The following PRICKLE2 variants were observed in gnomAD, a reference collection of about 807,000 sequenced individuals.
PRICKLE2 encodes the protein prickle-like protein 2.
A neutral mutation model predicts 81.4 loss-of-function variants in PRICKLE2; 21 were observed. That is an observed-to-expected ratio of 0.26 (90% CI 0.18 to 0.37). The LOEUF is 0.37. PRICKLE2 is among the 10% of genes least tolerant of loss of function. PRICKLE2 has a pLI of 1.00. For synonymous variants in PRICKLE2, 456 were observed against 421.5 expected (o/e 1.08, Z -1.00); for missense variants, 940 against 1,109.0 (o/e 0.85, Z 2.16).
chr3:64,192,753 T>G (rs1418111992), intron 2 of PRICKLE2, among the ~76,000 whole-genome samples: 1 of 152,290 alleles, frequency 6.6e-6, no homozygotes, highest in African/African-American at 2.4e-5. Context: ...CAGTTTGAAG[T>G]GAGAGTTGAG....
rs910890911 is a variant in PRICKLE2, at chr3:64,100,003, A to G, written c.1661-78T>C. The stretch of plus-strand genomic sequence containing the variant: ...GTATCACTGTCACTGCTGGTCATCT[A>G]TCTAGGGTCATTATATACCGTTGTG... On this transcript the variant is annotated intron_variant, in intron 7 of 7. Coordinates refer to ENST00000638394, the MANE Select transcript of PRICKLE2 (RefSeq NM_198859.4). The G allele has an allele frequency of 8.3e-5, 122 of 1,475,054 alleles. No individual in the cohort carries two copies. The Middle Eastern group carries it at 1.4e-3, about 17-fold the overall frequency. 91.4% of individuals were successfully genotyped at this position (1,475,054 alleles called of 1,614,324 possible). A position where few individuals can be genotyped will look rare whatever the true frequency, so the allele number is the denominator to read the frequency against.
chr3:64,258,845 A>AAAAGAAAG (rs572884974), intron 2 of PRICKLE2, among the ~76,000 whole-genome samples: 1,329 of 33,966 alleles, frequency 0.039, 52 homozygotes, highest in African/African-American at 0.053. Context: ...AAAAAAAAAA[A>AAAAGAAAG]AAAGAAAGAA....
intron 7 of PRICKLE2, among the ~76,000 whole-genome samples, chr3:64,120,176 C>G (rs938262336): frequency 5.9e-5 from 9 of 152,082 alleles, no homozygotes; most frequent in African/African-American, 2.2e-4. Context: ...ACCCAGGTAA[C>G]CTGCACATGT....
intron 1 of PRICKLE2, among the ~76,000 whole-genome samples, chr3:64,215,904 G>C (rs1191503105): frequency 6.6e-6 from 1 of 152,200 alleles, no homozygotes; most frequent in East Asian, 1.9e-4. Flanking sequence ...CTAGCACACA[G>C]CAAATGTTCA....
At chr3:64,222,427 A>G (rs1243589442) in intron 1 of PRICKLE2, among the ~76,000 whole-genome samples, 2 of 152,212 alleles carry the variant, frequency 1.3e-5, no homozygotes, top group Non-Finnish European at 2.9e-5. Context: ...CCTGTGTCAG[A>G]GTTCTAATTC....
In PRICKLE2 at chr3:64,099,614, C is replaced by T. The variant is rs2076622172; in HGVS notation, c.1972G>A (p.Glu658Lys). ...GMAGSKLPGQEGVRIQPMSER... is the reference protein window; with the variant it reads ...GMAGSKLPGQKGVRIQPMSER... The stretch of plus-strand genomic sequence containing the variant: ...CTCATGGGCTGGATCCTCACGCCCT[C>T]CTGCCCTGGCAGCTTGCTGCCCGCC... Residue 658 changes from glutamate to lysine, a missense_variant, in exon 8 of 8, where the codon GAG becomes AAG. By Grantham distance (56) the Glu-to-Lys change is moderately conservative (BLOSUM62 1). Around this residue, in one of 2 missense-constraint regions of PRICKLE2, gnomAD observed 670 missense variants for 717.2 expected, o/e 0.93. Transcript: ENST00000638394. The surrounding 1 kb of genome is among the most constrained non-coding windows in gnomAD (Gnocchi z 4.3). 1.9e-6 allele frequency: 3 copies of T among 1,613,920 alleles called. No homozygotes were observed. The highest frequency in any genetic ancestry group is 2.5e-6 in the Non-Finnish European group (3 of 1,180,054).
chr3:64,257,400 C>T (rs1255581206), intron 2 of PRICKLE2, among the ~76,000 whole-genome samples: 3 of 152,056 alleles, frequency 2.0e-5, no homozygotes, highest in Non-Finnish European at 4.4e-5. Flanking sequence ...GAGTGTAGGA[C>T]CAGTTCAGTG....
chr3:64,147,156 T>G lies in PRICKLE2; in HGVS notation c.1334A>C (p.His445Pro), dbSNP rs1162884450. 3 of 1,614,032 alleles carry G rather than the reference T, an allele frequency of 1.9e-6. No homozygotes were observed. The highest frequency in any genetic ancestry group is 2.5e-6 in the Non-Finnish European group (3 of 1,180,010). ...CGAGCTCCTTTTGGGGTTGCTGAAG[T>G]GCTTGCCCCACATTTCGGGCTGGGC... ...AGAQPEMWGK[H>P]FSNPKRSSSL... is the part of the protein sequence containing the mutation. The change falls in exon 7 of 8, where the codon CAC (histidine) becomes CCC (proline). Residue 445 changes from histidine (H) to proline (P), a missense_variant. Around this residue, in one of 2 missense-constraint regions of PRICKLE2, gnomAD observed 670 missense variants for 717.2 expected, o/e 0.93. Transcript: ENST00000638394. The surrounding 1 kb of genome is among the most constrained non-coding windows in gnomAD (Gnocchi z 5.0).
intron 2 of PRICKLE2, chr3:64,267,885 G>T (rs114852521): frequency 1.3e-5 from 2 of 152,212 alleles, no homozygotes; most frequent in Non-Finnish European, 2.9e-5. Context: ...CCCGGCTATG[G>T]GGGGGCCACT....
intron 7 of PRICKLE2, among the ~76,000 whole-genome samples, chr3:64,114,378 T>C (rs1383822161): frequency 6.6e-6 from 1 of 152,076 alleles, no homozygotes; most frequent in East Asian, 1.9e-4. Flanking sequence ...GAGGCTAAGA[T>C]AGCTAAAATA....
intron 7 of PRICKLE2, among the ~76,000 whole-genome samples, chr3:64,115,091 G>A (rs183444758): frequency 3.3e-5 from 5 of 152,158 alleles, no homozygotes; most frequent in Admixed American, 6.5e-5. Context: ...TTTCATATCC[G>A]GCCAAACTAA....
At chr3:64,211,033 G>A (rs192193150) in intron 1 of PRICKLE2, among the ~76,000 whole-genome samples, 1 of 152,286 alleles carries the variant, frequency 6.6e-6, no homozygotes, top group Admixed American at 6.5e-5. Flanking sequence ...ACCTCTGGGA[G>A]ACAGTACAGA....
intron 7 of PRICKLE2, among the ~76,000 whole-genome samples, chr3:64,123,776 T>G (rs2077065059): frequency 6.6e-6 from 1 of 152,234 alleles, no homozygotes; most frequent in South Asian, 2.1e-4. Flanking sequence ...CATTAAATGT[T>G]GTATGTGTGT....
chr3:64,128,883 A>G (rs2077155202), intron 7 of PRICKLE2, among the ~76,000 whole-genome samples: 1 of 151,646 alleles, frequency 6.6e-6, no homozygotes, highest in Non-Finnish European at 1.5e-5. Flanking sequence ...ACAAACAAAA[A>G]CCTTAGTAGT....
At chr3:64,123,874 T>C (rs2077067150) in intron 7 of PRICKLE2, among the ~76,000 whole-genome samples, 1 of 152,128 alleles carries the variant, frequency 6.6e-6, no homozygotes, top group South Asian at 2.1e-4. Flanking sequence ...ATATTGAAAT[T>C]AGGCCAATTA....
intron 7 of PRICKLE2, among the ~76,000 whole-genome samples, chr3:64,107,751 G>T (rs931757149): frequency 6.6e-6 from 1 of 152,176 alleles, no homozygotes; most frequent in African/African-American, 2.4e-5. Flanking sequence ...GGAGGCTGAG[G>T]CAGTAGGATC....
intron 2 of PRICKLE2, among the ~76,000 whole-genome samples, chr3:64,249,524 T>C (rs968094374): frequency 2.6e-5 from 4 of 152,174 alleles, no homozygotes; most frequent in South Asian, 4.1e-4. Flanking sequence ...GGAGGCTCAG[T>C]ACAAAAGATT....
At chr3:64,239,000 C>G (rs569966387) in intron 2 of PRICKLE2, among the ~76,000 whole-genome samples, 2 of 152,268 alleles carry the variant, frequency 1.3e-5, no homozygotes, top group South Asian at 4.1e-4. Flanking sequence ...ATTCTTCTAG[C>G]TCCCTGAGAT....
intron 2 of PRICKLE2, among the ~76,000 whole-genome samples, chr3:64,186,078 A>G (rs11917643): frequency 0.21 from 32,539 of 152,012 alleles, 3,679 homozygotes; most frequent in African/African-American, 0.24. Context: ...TGATTCTCAG[A>G]CTCTGATTCA....
Sources: allele counts gnomAD v4.1 joint callset (sites outside exome capture counted in the v4.1 genomes callset), GRCh38; gene constraint gnomAD v4.1.1; regional missense constraint gnomAD v4.1.1; non-coding constraint Gnocchi (gnomAD v3.1); transcripts MANE v1.5; gene names NCBI Gene and HGNC (gene_info 2026-07-23, HGNC 2026-07-21).